INCA1: variants seen among roughly 807,000 people sequenced by gnomAD.
INCA1 encodes the protein inhibitor of CDK, cyclin A1 interacting protein 1.
A neutral mutation model predicts 25.7 loss-of-function variants in INCA1; 28 were observed. The observed-to-expected ratio is 1.09, with a 90% CI of 0.81 to 1.49. The LOEUF (loss-of-function observed/expected upper bound fraction) is 1.49. INCA1 is among the 40% of genes most tolerant of loss of function. The probability of loss-of-function intolerance (pLI) is 0.00; values close to 1 mark genes in which losing one functional copy is unlikely to be tolerated. For synonymous variants in INCA1, 111 were observed against 103.6 expected (o/e 1.07, Z -0.43); for missense variants, 309 against 290.9 (o/e 1.06, Z -0.45).
Position 4,991,107 on chromosome 17 carries a change from G to A in INCA1, c.45-842C>T, listed in dbSNP as rs577962266. ...CCAATTTTGTATTTTTAGTAGAGAC[G>A]GGGTTTTGCCATGTTAGCCAGGCTG... On this transcript the variant is annotated intron_variant, in intron 2 of 6. Transcript: ENST00000576820. 3.3e-5 allele frequency among the ~76,000 whole-genome samples: 5 copies of A among 151,644 alleles called. No individual in the cohort carries two copies. In the South Asian group the frequency reaches 6.3e-4, roughly 19 times the overall value.
In INCA1 at chr17:4,990,889, A is replaced by G. The variant is rs567328552; in HGVS notation, c.45-624T>C. Among the ~76,000 whole-genome samples, 3 of 151,238 alleles carry G rather than the reference A, an allele frequency of 2.0e-5. No homozygotes were observed. The East Asian group carries it at 5.9e-4, about 30-fold the overall frequency. ...CAAGAGAGAAACTCCGTCTCAAAAA[A>G]AAAATTGCAAAAAATCTCATAATAT... On this transcript the variant is annotated intron_variant, in intron 2 of 6. Transcript: ENST00000576820.
At chr17:4,994,789 C>CAA (rs34186821) in intron 1 of INCA1, among the ~76,000 whole-genome samples, 145 of 70,644 alleles carry the variant, frequency 2.1e-3, no homozygotes, top group East Asian at 3.3e-3. Context: ...GACTCTGTCT[C>CAA]AAAAAAAAAA....
chr17:4,988,259 A>G lies in INCA1; in HGVS notation c.*146T>C, dbSNP rs185475351. On this transcript the variant is annotated 3_prime_UTR_variant, in exon 7 of 7. Coordinates refer to ENST00000576820, the Ensembl canonical transcript of INCA1. ...AGATGGGAGCCCACGGGGGCTGTTA[A>G]TGCCTAGTTCAGAGGATGGGAAAGG... is the stretch of plus-strand genomic sequence containing the variant. 4.7e-6 allele frequency: 4 copies of G among 856,310 alleles called. No individual in the cohort carries two copies. In the East Asian group the frequency reaches 1.2e-4, roughly 25 times the overall value. 53.0% of individuals were successfully genotyped at this position (856,310 alleles called of 1,614,324 possible). A position where few individuals can be genotyped will look rare whatever the true frequency, so the allele number is the denominator to read the frequency against.
chr17:4,996,409 C>T (rs976530918), intron 1 of INCA1, among the ~76,000 whole-genome samples: 2 of 150,238 alleles, frequency 1.3e-5, no homozygotes, highest in Non-Finnish European at 3.0e-5. Flanking sequence ...AAGCCAGGCG[C>T]GGTGGCTCAA....
At chr17:4,988,873 C>T (rs1253312709) in exon 6 of INCA1, 2 of 1,614,144 alleles carry the variant, frequency 1.2e-6, no homozygotes, top group African/African-American at 1.3e-5. Flanking sequence ...GCTGGGGAAT[C>T]CACAGCCCTC....
exon 6 of INCA1, chr17:4,988,825 G>A (rs759371769): frequency 6.2e-6 from 10 of 1,614,086 alleles, no homozygotes; most frequent in East Asian, 2.2e-5. Flanking sequence ...CTGTGGATAG[G>A]TTGCTCTCTC....
intron 5 of INCA1, among the ~76,000 whole-genome samples, chr17:4,989,214 TG>T (rs1158206132): frequency 1.3e-5 from 2 of 152,204 alleles, no homozygotes; most frequent in Non-Finnish European, 2.9e-5. Context: ...TTCCAGCTCA[TG>T]TGGCTCATCC....
chr17:4,996,683 A>AAAAAAAC (rs1974301676), intron 1 of INCA1, among the ~76,000 whole-genome samples: 1 of 150,652 alleles, frequency 6.6e-6, no homozygotes, highest in Non-Finnish European at 1.5e-5. Flanking sequence ...AAAAAAAAAA[A>AAAAAAAC]AAAAAAAAGA....
In INCA1 at chr17:4,994,530, G is replaced by A. The variant is rs191358928; in HGVS notation, c.-38-55C>T. On this transcript the variant is annotated intron_variant, in intron 1 of 6. Coordinates refer to ENST00000576820, the Ensembl canonical transcript of INCA1. ...ATTCGGGCTGGATGTGGTGGCTCAC[G>A]CCTGTAATCCCAGTACTTTTGGAGG... The A allele has an allele frequency of 2.0e-5, 28 of 1,387,904 alleles. No individual in the cohort carries two copies. In the African/African-American group the frequency reaches 2.8e-4, roughly 14 times the overall value. The allele number at this position is 1,387,904 out of a possible 1,614,324, so 86.0% of individuals were successfully genotyped here. A position where few individuals can be genotyped will look rare whatever the true frequency, so the allele number is the denominator to read the frequency against.
At position 4,994,490 on chromosome 17, in the gene INCA1, G is replaced by A. The variant is rs1251713683; in HGVS notation, c.-38-15C>T. ...CCTTTTTGGTGCTGGGAGGATAATG[G>A]AAAAGAAGTCATTCATTCGGGCTGG... is the stretch of plus-strand genomic sequence containing the variant. On this transcript the variant is annotated splice_polypyrimidine_tract_variant and intron_variant, in intron 1 of 6. Transcript: ENST00000576820. The A allele has an allele frequency of 1.3e-6, 2 of 1,593,482 alleles. No homozygotes were observed. Among genetic ancestry groups the A allele is most frequent in the Non-Finnish European group, 1.7e-6 (2 of 1,162,166 alleles).
exon 7 of INCA1, chr17:4,988,234 A>C (rs1362402258): frequency 6.3e-6 from 4 of 637,824 alleles, no homozygotes; most frequent in Non-Finnish European, 1.0e-5. Context: ...CGGTGGGTTG[A>C]GATGGGAGCC....
intron 1 of INCA1, among the ~76,000 whole-genome samples, chr17:4,994,876 G>T (rs1246135544): frequency 6.7e-6 from 1 of 149,062 alleles, no homozygotes; most frequent in African/African-American, 2.5e-5. Context: ...AATGGAAAAA[G>T]AATGTATGGA....
At chr17:4,997,201 C>T (rs1460628988), upstream of INCA1, 1 of 152,334 alleles carries the variant, frequency 6.6e-6, no homozygotes, top group African/African-American at 2.4e-5. Context: ...GCGACGGGGA[C>T]CCTCGACAGG....
At position 4,990,149 on chromosome 17, in the gene INCA1, C is replaced by G. The variant is rs1567708771; in HGVS notation, c.158+3G>C. 2.5e-6 allele frequency: 4 copies of G among 1,614,058 alleles called. No homozygotes were observed. The African/African-American group carries it at 5.3e-5, about 22-fold the overall frequency. The stretch of plus-strand genomic sequence containing the variant: ...GTTAGTTTCCATTTTCTCCTCTACT[C>G]ACGTGGGCCTTTGATTAAGGTTCTT... On this transcript the variant is annotated splice_donor_region_variant and intron_variant, in intron 3 of 6. Coordinates refer to ENST00000576820, the Ensembl canonical transcript of INCA1.
chr17:4,996,363 CAGAGTGAGACCCTGTTTCTA>C (rs1974260906), intron 1 of INCA1, among the ~76,000 whole-genome samples: 1 of 150,598 alleles, frequency 6.6e-6, no homozygotes, highest in South Asian at 2.1e-4. Context: ...GCCTAGGCGT[CAGAGTGAGACCCTGTTTCTA>C]AGAAGAAAAA....
intron 2 of INCA1, among the ~76,000 whole-genome samples, chr17:4,993,345 A>C (rs1022177197): frequency 6.6e-5 from 10 of 151,308 alleles, no homozygotes; most frequent in African/African-American, 2.2e-4. Flanking sequence ...ACACTTGGCT[A>C]ATTTTGTATT....
intron 3 of INCA1, 99 bp from the exon 4 acceptor site, chr17:4,990,028 GC>G: frequency 6.2e-7 from 1 of 1,612,176 alleles, no homozygotes; most frequent in Non-Finnish European, 8.5e-7. Flanking sequence ...GTCATTAGGA[GC>G]TACAATGTCC....
At chr17:4,997,487 C>G (rs1974378948), upstream of INCA1, 1 of 152,238 alleles carries the variant, frequency 6.6e-6, no homozygotes, top group African/African-American at 2.4e-5. Flanking sequence ...CCGCATTTGG[C>G]CCCAGCACCT....
At chr17:4,990,025 G>A in intron 3 of INCA1, 96 bp from the exon 4 acceptor site, 1 of 1,612,008 alleles carries the variant, frequency 6.2e-7, no homozygotes, top group Admixed American at 1.7e-5. Flanking sequence ...TCTGTCATTA[G>A]GAGCTACAAT....
Sources: allele counts gnomAD v4.1 joint callset (sites outside exome capture counted in the v4.1 genomes callset), GRCh38; gene constraint gnomAD v4.1.1; transcripts MANE v1.5; gene names NCBI Gene and HGNC (gene_info 2026-07-23, HGNC 2026-07-21).